DOCK2: variants seen among roughly 807,000 people sequenced by gnomAD.
The protein encoded by DOCK2 is dedicator of cytokinesis protein 2.
Under a neutral mutation model 248.9 loss-of-function variants are expected in DOCK2, and 87 were observed. The observed-to-expected ratio is 0.35, with a 90% CI of 0.29 to 0.42. The LOEUF (loss-of-function observed/expected upper bound fraction) is 0.42. Among genes scored for constraint, DOCK2 ranks in the 10% least tolerant of loss-of-function variants. DOCK2 has a pLI of 1.00. For synonymous variants in DOCK2, 805 were observed against 821.6 expected (o/e 0.98, Z 0.35); for missense variants, 1,747 against 2,300.2 (o/e 0.76, Z 4.92).
chr5:170,054,390 C>T (rs151153305), intron 41 of DOCK2, among the ~76,000 whole-genome samples: 32 of 152,154 alleles, frequency 2.1e-4, no homozygotes, highest in South Asian at 8.3e-4. Context: ...GACCAGTGAC[C>T]GCTGACTTTT....
intron 2 of DOCK2, among the ~76,000 whole-genome samples, chr5:169,664,799 A>G (rs936078966): frequency 5.9e-5 from 9 of 152,306 alleles, no homozygotes; most frequent in Middle Eastern, 3.4e-3. Context: ...AAAATTTGGT[A>G]TGAGATTTGG....
chr5:169,928,231 GGTCTACAGTTATTGCT>G (rs1272266362), intron 27 of DOCK2, among the ~76,000 whole-genome samples: 2 of 152,126 alleles, frequency 1.3e-5, no homozygotes, highest in Non-Finnish European at 2.9e-5. Context: ...CAGCAGGAGG[GGTCTACAGTTATTGCT>G]GCCACAGGTC....
chr5:169,807,437 C>CT (rs557223717), intron 26 of DOCK2, among the ~76,000 whole-genome samples: 2 of 151,468 alleles, frequency 1.3e-5, no homozygotes, highest in African/African-American at 2.4e-5. Context: ...TATGACCTGT[C>CT]TTTTTTTTTC....
chr5:170,062,149 CAG>C (rs1279475436), intron 44 of DOCK2, among the ~76,000 whole-genome samples: 5 of 144,314 alleles, frequency 3.5e-5, no homozygotes, highest in African/African-American at 1.3e-4. Context: ...GAGAGAGAGA[CAG>C]AGAGAGTGAG....
At chr5:170,010,122 T>C (rs1377621884) in intron 32 of DOCK2, among the ~76,000 whole-genome samples, 6 of 152,120 alleles carry the variant, frequency 3.9e-5, no homozygotes, top group Non-Finnish European at 7.4e-5. Context: ...TTTATCATTA[T>C]TGTCATCCTT....
At chr5:169,947,602 T>C (rs1019704763) in intron 27 of DOCK2, among the ~76,000 whole-genome samples, 1 of 152,234 alleles carries the variant, frequency 6.6e-6, no homozygotes, top group Non-Finnish European at 1.5e-5. Flanking sequence ...CTGATGCTTT[T>C]TTGTCTCATT....
chr5:169,694,264 T>C (rs1360948684), intron 9 of DOCK2, among the ~76,000 whole-genome samples: 2 of 152,236 alleles, frequency 1.3e-5, no homozygotes, highest in African/African-American at 4.8e-5. Context: ...CGAAGGAGAA[T>C]AAACTGTTCC....
chr5:169,840,775 A>T lies in DOCK2; in HGVS notation c.2722A>T (p.Ile908Phe). The change falls in exon 27 of 52, where the codon ATC (isoleucine) becomes TTC (phenylalanine). Residue 908 changes from isoleucine (I) to phenylalanine (F), a missense_variant. Around this residue, in one of 4 missense-constraint regions of DOCK2, gnomAD observed 858 missense variants for 1,183.5 expected, o/e 0.72. Transcript: ENST00000520908. The part of the protein sequence containing the change: ...YQDAAFTYHH[I>F]QEIMVQLLRT... Reference sequence around the variant, plus strand: ...TTTACAGGCCTTCACCTACCACCATATCCAGGAGATCATGGTCCAGCTGCT... The same window carrying T: ...TTTACAGGCCTTCACCTACCACCATTTCCAGGAGATCATGGTCCAGCTGCT... 1.2e-6 allele frequency: 2 copies of T among 1,613,956 alleles called. No individual in the cohort carries two copies. The highest frequency in any genetic ancestry group is 1.7e-6 in the Non-Finnish European group (2 of 1,179,950).
chr5:170,034,541 A>G lies in DOCK2; in HGVS notation c.3610A>G (p.Thr1204Ala), dbSNP rs1021301837. 6.2e-7 allele frequency: 1 copy of G among 1,614,042 alleles called. No homozygotes were observed. The highest frequency in any genetic ancestry group is 8.5e-7 in the Non-Finnish European group (1 of 1,180,004). The change falls in exon 35 of 52, where the codon ACC becomes GCC. Residue 1204 changes from threonine to alanine, a missense_variant. By Grantham distance (58) the Thr-to-Ala change is moderately conservative. Around this residue, in one of 4 missense-constraint regions of DOCK2, gnomAD observed 858 missense variants for 1,183.5 expected, o/e 0.72. Coordinates refer to ENST00000520908, the MANE Select transcript of DOCK2 (RefSeq NM_004946.3). ...DESKDNRMSC[T>A]VNLLNFYKDN... ...GAGCAAAGACAACCGCATGAGCTGC[A>G]CCGTGAACCTGCTGGTGCGTGGGGC...
intron 5 of DOCK2, among the ~76,000 whole-genome samples, chr5:169,672,260 G>T (rs1759090243): frequency 6.6e-6 from 1 of 152,106 alleles, no homozygotes; most frequent in African/African-American, 2.4e-5. Context: ...CACCCACCTT[G>T]GCCTTCCAAA....
intron 27 of DOCK2, among the ~76,000 whole-genome samples, chr5:169,912,965 A>AT: frequency 6.6e-6 from 1 of 152,272 alleles, no homozygotes; most frequent in Non-Finnish European, 1.5e-5. Context: ...TTAATGGGTG[A>AT]TAATTTTGTA....
chr5:169,755,972 A>G (rs1764175729), intron 23 of DOCK2, among the ~76,000 whole-genome samples: 1 of 152,162 alleles, frequency 6.6e-6, no homozygotes, highest in Non-Finnish European at 1.5e-5. Flanking sequence ...TGACCGTGAC[A>G]ACAGTCTTGG....
intron 1 of DOCK2, 58 bp downstream of exon 1, chr5:169,637,427 G>A: frequency 1.5e-6 from 2 of 1,299,834 alleles, no homozygotes; most frequent in East Asian, 3.1e-5. Context: ...AGAGCCGCGA[G>A]CAGGAGGATG....
intron 26 of DOCK2, among the ~76,000 whole-genome samples, chr5:169,822,554 T>A (rs1027871368): frequency 1.3e-5 from 2 of 152,116 alleles, no homozygotes; most frequent in African/African-American, 4.8e-5. Flanking sequence ...GAAATAAAGA[T>A]GTTCTTTGAA....
chr5:169,985,193 G>A (rs1024922073), intron 28 of DOCK2, among the ~76,000 whole-genome samples: 7 of 152,124 alleles, frequency 4.6e-5, no homozygotes, highest in Non-Finnish European at 7.4e-5. Context: ...GGGAGCCACC[G>A]TGCCTGGCCT....
In DOCK2 at chr5:170,080,288, G is replaced by A; in HGVS notation, c.5287+5G>A. ...AGTCCATGCCTACCATCCCAGGTATGCCCCCTGCTGCCACCAGCATGAGGG... is the reference window on the plus strand; with the variant it reads ...AGTCCATGCCTACCATCCCAGGTATACCCCCTGCTGCCACCAGCATGAGGG... On this transcript the variant is annotated splice_donor_5th_base_variant and intron_variant, in intron 50 of 51. Transcript: ENST00000520908. The A allele has an allele frequency of 6.2e-7, 1 of 1,614,044 alleles. No homozygotes were observed. Among genetic ancestry groups the A allele is most frequent in the East Asian group, 2.2e-5 (1 of 44,884 alleles).
chr5:169,765,883 C>A (rs1196548901), intron 25 of DOCK2, among the ~76,000 whole-genome samples: 1 of 152,182 alleles, frequency 6.6e-6, no homozygotes, highest in African/African-American at 2.4e-5. Context: ...CTTCTTCCCT[C>A]TCATCTGTTG....
At chr5:169,836,912 A>G (rs1445388765) in intron 26 of DOCK2, among the ~76,000 whole-genome samples, 1 of 152,230 alleles carries the variant, frequency 6.6e-6, no homozygotes, top group Non-Finnish European at 1.5e-5. Flanking sequence ...TACTTAAAAT[A>G]TTCTCATATT....
At chr5:170,012,051 C>T (rs1038820477) in intron 32 of DOCK2, among the ~76,000 whole-genome samples, 1 of 152,190 alleles carries the variant, frequency 6.6e-6, no homozygotes, top group East Asian at 1.9e-4. Context: ...GTAAAGTTGC[C>T]AGACGAGGCC....
Sources: gnomAD v4.1 joint callset for allele counts (sites outside exome capture counted in the v4.1 genomes callset) on GRCh38, gnomAD v4.1.1 for gene constraint, gnomAD v4.1.1 regional missense constraint, MANE v1.5 for transcripts, NCBI Gene and HGNC (gene_info 2026-07-23, HGNC 2026-07-21) for gene names.